Variants in SIM1 observed in about 807,000 individuals in gnomAD.
SIM1 encodes the protein SIM bHLH transcription factor 1, also known as single-minded homolog 1.
A neutral mutation model predicts 78.2 loss-of-function variants in SIM1; 18 were observed. That is an observed-to-expected ratio of 0.23 (90% CI 0.16 to 0.34). SIM1 has a LOEUF of 0.34. Ranked by LOEUF, SIM1 falls within the 10% of genes least tolerant of loss-of-function variation. SIM1 has a pLI of 1.00. For synonymous variants in SIM1, 417 were observed against 385.2 expected, an observed-to-expected ratio of 1.08 and a Z score of -0.97; for missense variants, 939 against 975.1, an observed-to-expected ratio of 0.96 and a Z score of 0.49.
At chr6:100,427,849 A>G (rs993906150) in intron 9 of SIM1, among the ~76,000 whole-genome samples, 6 of 152,186 alleles carry the variant, frequency 3.9e-5, no homozygotes, top group Admixed American at 3.9e-4. Flanking sequence ...GTGGCTTCAT[A>G]TCTTGATAGC....
intron 9 of SIM1, among the ~76,000 whole-genome samples, chr6:100,426,596 G>C (rs1771738273): frequency 6.6e-6 from 1 of 152,120 alleles, no homozygotes; most frequent in Admixed American, 6.5e-5. Flanking sequence ...TGGGAGAATG[G>C]CCTCCATAAT....
intron 11 of SIM1, among the ~76,000 whole-genome samples, chr6:100,391,442 A>G (rs1234898295): frequency 6.6e-6 from 1 of 151,476 alleles, no homozygotes; most frequent in African/African-American, 2.5e-5. Context: ...TGGAAATAAG[A>G]GAAGGATGCA....
intron 9 of SIM1, among the ~76,000 whole-genome samples, chr6:100,444,116 T>C (rs1276896119): frequency 6.6e-6 from 1 of 152,088 alleles, no homozygotes; most frequent in African/African-American, 2.4e-5. Context: ...TTCTACATTT[T>C]CTTTACATTA....
intron 9 of SIM1, among the ~76,000 whole-genome samples, chr6:100,421,916 C>G (rs1439869851): frequency 6.6e-6 from 1 of 152,148 alleles, no homozygotes; most frequent in African/African-American, 2.4e-5. Context: ...ACTCGCTGGG[C>G]TGCCCCTCGG....
chr6:100,400,104 C>A (rs1011556028), intron 10 of SIM1, among the ~76,000 whole-genome samples: 1 of 151,872 alleles, frequency 6.6e-6, no homozygotes, highest in African/African-American at 2.4e-5. Context: ...ATTGCAATGC[C>A]ATCTACATGA....
chr6:100,422,560 A>C (rs1265081620), intron 9 of SIM1, among the ~76,000 whole-genome samples: 1 of 152,180 alleles, frequency 6.6e-6, no homozygotes, highest in Non-Finnish European at 1.5e-5. Context: ...CATTCCATGG[A>C]TCAGCAAATA....
intron 10 of SIM1, 189 bp from the exon 11 acceptor site, chr6:100,394,078 T>C (rs1770713665): frequency 8.0e-6 from 4 of 502,760 alleles, no homozygotes; most frequent in Non-Finnish European, 1.4e-5. Flanking sequence ...ACTTAATTCA[T>C]TATGATGCTT....
At chr6:100,416,979 C>CAAAA (rs113557389) in intron 10 of SIM1, among the ~76,000 whole-genome samples, 1 of 141,350 alleles carries the variant, frequency 7.1e-6, no homozygotes. Context: ...TACTAGTTCT[C>CAAAA]AAAAAAAAAA....
intron 3 of SIM1, among the ~76,000 whole-genome samples, chr6:100,451,924 G>A (rs531324679): frequency 5.9e-5 from 9 of 152,316 alleles, no homozygotes; most frequent in South Asian, 4.1e-4. Flanking sequence ...GAGCTCAGAC[G>A]GAGAGTCTAG....
chr6:100,412,610 AG>A (rs781570697), intron 10 of SIM1, among the ~76,000 whole-genome samples: 1,148 of 96,172 alleles, frequency 0.012, 79 homozygotes, highest in African/African-American at 0.022. Flanking sequence ...AAAGAAAGAA[AG>A]GAAAGAAAGA....
intron 9 of SIM1, among the ~76,000 whole-genome samples, chr6:100,437,917 C>T (rs1222000362): frequency 6.6e-6 from 1 of 152,096 alleles, no homozygotes. Context: ...CCTGATGAAA[C>T]ATGCTCAGTT....
chr6:100,412,804 G>A (rs574892510), intron 10 of SIM1, among the ~76,000 whole-genome samples: 6 of 152,014 alleles, frequency 3.9e-5, no homozygotes, highest in East Asian at 1.9e-4. Flanking sequence ...AAGGAAGGAC[G>A]GACGGACGGA....
intron 10 of SIM1, among the ~76,000 whole-genome samples, chr6:100,412,751 GAA>G (rs1273434988): frequency 7.2e-6 from 1 of 138,290 alleles, no homozygotes; most frequent in Non-Finnish European, 1.6e-5. Flanking sequence ...AAGAAAGAAA[GAA>G]AAAAGAAAAG....
At chr6:100,391,769 A>G (rs1770645427) in intron 11 of SIM1, among the ~76,000 whole-genome samples, 1 of 152,222 alleles carries the variant, frequency 6.6e-6, no homozygotes. Context: ...AGATATAGAT[A>G]CAATCTTGTC....
chr6:100,405,620 T>G (rs955809002), intron 10 of SIM1, among the ~76,000 whole-genome samples: 3 of 152,180 alleles, frequency 2.0e-5, no homozygotes, highest in Non-Finnish European at 4.4e-5. Context: ...GCAAGAAATC[T>G]TTTATACATG....
At chr6:100,428,912 C>G (rs1384387500) in intron 9 of SIM1, among the ~76,000 whole-genome samples, 1 of 152,056 alleles carries the variant, frequency 6.6e-6, no homozygotes, top group Non-Finnish European at 1.5e-5. Flanking sequence ...CTTTTTCCCT[C>G]TTTCTTAAAA....
chr6:100,431,658 T>G (rs552517838), intron 9 of SIM1, among the ~76,000 whole-genome samples: 1 of 152,280 alleles, frequency 6.6e-6, no homozygotes, highest in South Asian at 2.1e-4. Context: ...GTCAGAGAAC[T>G]TGTATAATAC....
chr6:100,412,579 GAAA>G (rs1398924186), intron 10 of SIM1, among the ~76,000 whole-genome samples: 1 of 87,314 alleles, frequency 1.1e-5, no homozygotes, highest in Non-Finnish European at 2.4e-5. Context: ...AAGAAAGAAA[GAAA>G]GAAAGAAAGA....
At chr6:100,411,117 C>A (rs1467214567) in intron 10 of SIM1, among the ~76,000 whole-genome samples, 10 of 152,134 alleles carry the variant, frequency 6.6e-5, no homozygotes, top group Non-Finnish European at 1.5e-4. Context: ...GACTAGTTAT[C>A]ATGAGAACTG....
Sources: allele counts gnomAD v4.1 joint callset (sites outside exome capture counted in the v4.1 genomes callset), GRCh38; gene constraint gnomAD v4.1.1; transcripts MANE v1.5; gene names NCBI Gene and HGNC (gene_info 2026-07-23, HGNC 2026-07-21).